GLOD4: variants seen among roughly 807,000 people sequenced by gnomAD.
GLOD4 encodes the protein glyoxalase domain containing 4.
GLOD4 carries 44 observed loss-of-function variants against 39.1 expected under a neutral mutation model. The ratio of observed to expected loss-of-function variants is 1.13; its 90% CI spans 0.88 to 1.45. The LOEUF (loss-of-function observed/expected upper bound fraction) is 1.45. Ranked by LOEUF, GLOD4 falls within the 40% of genes most tolerant of loss-of-function variation. The probability of loss-of-function intolerance (pLI) is 0.00; values close to 1 mark genes in which losing one functional copy is unlikely to be tolerated. For synonymous variants in GLOD4, 145 were observed against 135.0 expected (o/e 1.07, Z -0.52); for missense variants, 405 against 366.4 (o/e 1.11, Z -0.86).
chr17:764,322 G>A (rs1409512033), intron 8 of GLOD4: 2 of 152,216 alleles, frequency 1.3e-5, no homozygotes, highest in African/African-American at 2.4e-5. Flanking sequence ...TCGCTTGATT[G>A]CACCAATGAA....
chr17:778,890 C>T (rs1909393240), intron 1 of GLOD4, 146 bp from the exon 2 acceptor site: 1 of 601,186 alleles, frequency 1.7e-6, no homozygotes. Flanking sequence ...TTACACTTCT[C>T]CCAGGATAGA....
chr17:775,877 T>A lies in GLOD4; in HGVS notation c.304A>T (p.Lys102Ter). ...ACTTCCGTCAGTGGCCACTCCAGCTTCCTGGCGTTGCTGACAGCCTGGCTA... is the reference window on the plus strand; with the variant it reads ...ACTTCCGTCAGTGGCCACTCCAGCTACCTGGCGTTGCTGACAGCCTGGCTA... ...ASSQAVSNAR[K>*]LEWPLTEVAE... The change falls in exon 4 of 9, where the codon AAG (lysine) becomes TAG (stop). Residue 102 changes from lysine to a stop codon, truncating the protein, a stop_gained. Coordinates refer to ENST00000301329, the MANE Select transcript of GLOD4 (RefSeq NM_016080.4). LOFTEE classifies it high-confidence loss of function. 6.2e-7 allele frequency: 1 copy of A among 1,613,374 alleles called. No individual in the cohort carries two copies. The highest frequency in any genetic ancestry group is 8.5e-7 in the Non-Finnish European group (1 of 1,179,282).
At chr17:783,053 C>A, upstream of GLOD4, 4 of 1,514,792 alleles carry the variant, frequency 2.6e-6, no homozygotes, top group Non-Finnish European at 3.5e-6. Flanking sequence ...TTGATAGTTA[C>A]CTGTTTTTTT....
chr17:777,614 C>T (rs1909182351), intron 2 of GLOD4: 1 of 152,140 alleles, frequency 6.6e-6, no homozygotes, highest in Non-Finnish European at 1.5e-5. Flanking sequence ...CGCACTCCCA[C>T]CTGGGTGACA....
upstream of GLOD4, chr17:783,340 C>G (rs376404824): frequency 1.3e-6 from 2 of 1,556,772 alleles, no homozygotes; most frequent in Admixed American, 2.0e-5. Context: ...TAGTGATTAC[C>G]CAGTGTATCT....
At position 782,244 on chromosome 17, in the gene GLOD4, G is replaced by C. The variant is rs1910110776; in HGVS notation, c.12C>G (p.Arg4=). 6.2e-7 allele frequency: 1 copy of C among 1,613,202 alleles called. No individual in the cohort carries two copies. Residue 4 remains arginine, a synonymous_variant, in exon 1 of 9, where the codon CGC becomes CGG. Coordinates refer to ENST00000301329, the MANE Select transcript of GLOD4 (RefSeq NM_016080.4). MAA[R]RALHFVFKVG... ...CTTTGAATACGAAGTGCAGAGCTCTGCGAGCAGCCATGATTCCCGCCGCAC... is the reference window on the plus strand; with the variant it reads ...CTTTGAATACGAAGTGCAGAGCTCTCCGAGCAGCCATGATTCCCGCCGCAC...
At position 775,827 on chromosome 17, in the gene GLOD4, C is replaced by T. The variant is rs1478228841; in HGVS notation, c.354G>A (p.Glu118=). 1.2e-6 allele frequency: 2 copies of T among 1,614,014 alleles called. No individual in the cohort carries two copies. Among genetic ancestry groups the T allele is most frequent in the East Asian group, 4.5e-5 (2 of 44,880 alleles). ...AATAGAACTTATATCCTCCCGGGGC[C>T]TCGGTTTCAAAAACACCTTCTGCAA... ...TEVAEGVFET[E]APGGYKFYLQ... is the part of the protein sequence containing the mutation. Residue 118 remains glutamate, a synonymous_variant, in exon 4 of 9, where the codon GAG becomes GAA. Transcript: ENST00000301329.
At chr17:772,050 G>A (rs1031930765) in intron 4 of GLOD4, among the ~76,000 whole-genome samples, 14 of 148,176 alleles carry the variant, frequency 9.4e-5, no homozygotes, top group Admixed American at 3.4e-4. Flanking sequence ...TTAGACAGGC[G>A]TGGTGGCTCA....
At chr17:782,762 C>T (rs561336834), upstream of GLOD4, 5 of 1,471,272 alleles carry the variant, frequency 3.4e-6, no homozygotes, top group Admixed American at 2.2e-5. Context: ...CCTTAACCTC[C>T]TTCCGATGGA....
chr17:771,501 T>C (rs766302874), intron 4 of GLOD4, 40 bp from the exon 5 acceptor site: 25 of 1,184,008 alleles, frequency 2.1e-5, no homozygotes, highest in South Asian at 6.2e-5. Context: ...ATCAATTTAA[T>C]AGAATAAAAT....
intron 4 of GLOD4, among the ~76,000 whole-genome samples, chr17:772,013 C>CAAAAAA (rs67745456): frequency 2.0e-5 from 1 of 50,990 alleles, no homozygotes; most frequent in African/African-American, 8.5e-5. Flanking sequence ...AACTCTGTCT[C>CAAAAAA]AAAAAAAAAA....
intron 1 of GLOD4, 52 bp from the exon 2 acceptor site, chr17:778,796 C>T (rs775839645): frequency 9.8e-6 from 10 of 1,018,492 alleles, no homozygotes; most frequent in South Asian, 2.6e-5. Context: ...CTGCTCACAG[C>T]GTCTTTAGCA....
At chr17:774,986 T>A (rs902491224) in intron 4 of GLOD4, among the ~76,000 whole-genome samples, 9 of 151,938 alleles carry the variant, frequency 5.9e-5, no homozygotes, top group Admixed American at 2.0e-4. Context: ...GGAGAATCAC[T>A]TGAACCTGGG....
chr17:762,949 G>A (rs1905771074), intron 8 of GLOD4, among the ~76,000 whole-genome samples: 1 of 152,240 alleles, frequency 6.6e-6, no homozygotes, highest in Non-Finnish European at 1.5e-5. Context: ...GGCCGAGGCA[G>A]GCGGATCACG....
chr17:771,418 C>T lies in GLOD4; in HGVS notation c.450G>A (p.Lys150=). Residue 150 remains lysine, a synonymous_variant, in exon 5 of 9, where the codon AAG becomes AAA. Transcript: ENST00000301329. ...GTAGATTACACCAGTAGTTCAAGGACTTTTGAAGATCAGACACTGCTAGAG... is the reference window on the plus strand; with the variant it reads ...GTAGATTACACCAGTAGTTCAAGGATTTTTGAAGATCAGACACTGCTAGAG... The part of the protein sequence containing the change: ...KVTLAVSDLQ[K]SLNYWCNLLG... 6.3e-7 allele frequency: 1 copy of T among 1,584,290 alleles called. No homozygotes were observed. Among genetic ancestry groups the T allele is most frequent in the South Asian group, 1.1e-5 (1 of 89,310 alleles).
intron 1 of GLOD4, among the ~76,000 whole-genome samples, chr17:780,109 A>G (rs1222844034): frequency 6.6e-6 from 1 of 152,150 alleles, no homozygotes; most frequent in Non-Finnish European, 1.5e-5. Context: ...GCTTGCAGTG[A>G]GCCGAGATTG....
chr17:780,834 G>C (rs918159633), intron 1 of GLOD4: 7 of 147,126 alleles, frequency 4.8e-5, no homozygotes, highest in Middle Eastern at 5.2e-4. Flanking sequence ...TCCTTCTTTT[G>C]TATTTTTATA....
At chr17:782,115 G>C (rs753945470) in intron 1 of GLOD4, 51 bp downstream of exon 1, 1 of 1,398,680 alleles carries the variant, frequency 7.1e-7, no homozygotes, top group Admixed American at 2.0e-5. Flanking sequence ...GGGCCGGCTC[G>C]GGCGCCGGTT....
intron 8 of GLOD4, among the ~76,000 whole-genome samples, chr17:769,061 C>T (rs900147339): frequency 2.0e-5 from 3 of 152,168 alleles, no homozygotes; most frequent in African/African-American, 4.8e-5. Flanking sequence ...TGCACGCTGG[C>T]GAGAATAACT....
Sources: gnomAD v4.1 joint callset for allele counts (sites outside exome capture counted in the v4.1 genomes callset) on GRCh38, gnomAD v4.1.1 for gene constraint, MANE v1.5 for transcripts, NCBI Gene and HGNC (gene_info 2026-07-23, HGNC 2026-07-21) for gene names.